TFIP11: variants seen among roughly 807,000 people sequenced by gnomAD.
TFIP11 encodes the protein tuftelin-interacting protein 11.
A neutral mutation model predicts 96.8 loss-of-function variants in TFIP11; 86 were observed. The ratio of observed to expected loss-of-function variants is 0.89; its 90% CI spans 0.75 to 1.06. TFIP11 has a LOEUF of 1.06. Ranked by LOEUF, TFIP11 falls within the 50% of genes least tolerant of loss-of-function variation. TFIP11 has a pLI of 0.00. For missense variants in TFIP11, 881 were observed against 1,076.7 expected (o/e 0.82, Z 2.54); for synonymous variants, 405 against 395.2 (o/e 1.02, Z -0.29).
rs746097613 is a variant in TFIP11 at position 26,499,488 on chromosome 22, G to A, written c.945C>T (p.Phe315=). 4.1e-5 allele frequency: 66 copies of A among 1,614,076 alleles called. No individual in the cohort carries two copies. The South Asian group carries it at 4.6e-4, about 11-fold the overall frequency. Residue 315 remains phenylalanine, a synonymous_variant, in exon 9 of 15, where the codon TTC becomes TTT. Transcript: ENST00000407690. ...QSGKEAKAPG[F]ALPELEHNLQ... is the part of the protein sequence containing the mutation. ...GGTTGTGCTCCAGCTCGGGCAGCGC[G>A]AAGCCGGGGGCCTTGGCCTCTTTGC...
chr22:26,494,967 A>G, intron 12 of TFIP11, 28 bp from the exon 13 acceptor site: 1 of 1,614,014 alleles, frequency 6.2e-7, no homozygotes, highest in Non-Finnish European at 8.5e-7. Context: ...TCTGTAAGGC[A>G]CAGCTTTAGT....
At chr22:26,506,530 C>A in intron 5 of TFIP11, 71 bp from the exon 6 acceptor site, 1 of 1,537,632 alleles carries the variant, frequency 6.5e-7, no homozygotes, top group Non-Finnish European at 8.7e-7. Context: ...AAAGCTTGGC[C>A]AACAGGAAAA....
At chr22:26,492,614 G>A (rs1285667125) in intron 14 of TFIP11, 13 of 497,100 alleles carry the variant, frequency 2.6e-5, no homozygotes, top group Middle Eastern at 5.5e-4. Flanking sequence ...TTAAAATGAA[G>A]TATCTGCAAG....
chr22:26,495,353 C>A (rs867068980), intron 12 of TFIP11, among the ~76,000 whole-genome samples: 2 of 130,316 alleles, frequency 1.5e-5, no homozygotes, highest in African/African-American at 2.8e-5. Context: ...TCTTGGCTCA[C>A]TGCAACCTCT....
At chr22:26,496,918 G>T (rs768064937) in intron 10 of TFIP11, 29 bp from the exon 11 acceptor site, 194 of 1,611,240 alleles carry the variant, frequency 1.2e-4, no homozygotes, top group Non-Finnish European at 1.4e-4. Context: ...GGACAGGCTG[G>T]TTAATTACAC....
intron 8 of TFIP11, among the ~76,000 whole-genome samples, 186 bp downstream of exon 8, chr22:26,501,714 A>G (rs1421152644): frequency 6.9e-6 from 1 of 145,804 alleles, no homozygotes; most frequent in African/African-American, 2.5e-5. Flanking sequence ...GAATAGGAAC[A>G]TGATATTAAT....
chr22:26,496,412 C>T, intron 11 of TFIP11, 96 bp from the exon 12 acceptor site: 2 of 1,476,880 alleles, frequency 1.4e-6, no homozygotes, highest in Non-Finnish European at 1.8e-6. Flanking sequence ...CTGGAGGAGG[C>T]CCTGTGCTCT....
In TFIP11 at chr22:26,499,618, G is replaced by C. The variant is rs763959978; in HGVS notation, c.815C>G (p.Thr272Arg). The C allele has an allele frequency of 1.2e-6, 2 of 1,611,294 alleles. No individual in the cohort carries two copies. Among genetic ancestry groups the C allele is most frequent in the Non-Finnish European group, 1.7e-6 (2 of 1,178,828 alleles). ...ELSQVKVIDMTGREQKVYYSY... is the reference protein window; with the variant it reads ...ELSQVKVIDMRGREQKVYYSY... ...GTAGTAGACCTTCTGCTCCCGGCCT[G>C]TCATGTCTATGACCTTGGAAAACAT... Residue 272 changes from threonine to arginine, a missense_variant, in exon 9 of 15, where the codon ACA (threonine) becomes AGA (arginine). By Grantham distance (71) the Thr-to-Arg change is moderately conservative. Transcript: ENST00000407690.
chr22:26,506,351 G>A lies in TFIP11; in HGVS notation c.472C>T (p.Gln158Ter). 1.2e-6 allele frequency: 2 copies of A among 1,613,746 alleles called. No individual in the cohort carries two copies. Among genetic ancestry groups the A allele is most frequent in the African/African-American group, 1.3e-5 (1 of 75,022 alleles). ...HTKGIGQKLL[Q>*]KMGYVPGRGL... Reference sequence around the variant, plus strand: ...CGTCCAGGGACGTAGCCCATCTTCTGAAGAAGCTTCTGTCCAATTCCTTTT... The same window carrying A: ...CGTCCAGGGACGTAGCCCATCTTCTAAAGAAGCTTCTGTCCAATTCCTTTT... The change falls in exon 6 of 15, where the codon CAG becomes TAG. Residue 158 changes from glutamine (Q) to a stop codon, truncating the protein, a stop_gained. Coordinates refer to ENST00000407690, the MANE Select transcript of TFIP11 (RefSeq NM_012143.4). LOFTEE classifies it high-confidence loss of function.
chr22:26,495,020 GT>G, intron 12 of TFIP11, 81 bp from the exon 13 acceptor site: 1 of 1,575,884 alleles, frequency 6.3e-7, no homozygotes, highest in Non-Finnish European at 8.6e-7. Flanking sequence ...GACAATGTCC[GT>G]TTTCATCTCA....
At chr22:26,500,661 GA>G (rs112618998) in intron 8 of TFIP11, among the ~76,000 whole-genome samples, 18,992 of 142,302 alleles carry the variant, frequency 0.13, 1,295 homozygotes, top group Non-Finnish European at 0.17. Flanking sequence ...CTCACTGGAG[GA>G]AAAAAAAAAA....
rs1296712137 is a variant in TFIP11, at chr22:26,496,089, G to T, written c.1833C>A (p.Asn611Lys). 2 of 1,613,822 alleles carry T rather than the reference G, an allele frequency of 1.2e-6. No homozygotes were observed. Among genetic ancestry groups the T allele is most frequent in the East Asian group, 2.2e-5 (1 of 44,884 alleles). Residue 611 changes from asparagine to lysine, a missense_variant, in exon 12 of 15, where the codon AAC becomes AAA. By Grantham distance (94) the Asn-to-Lys change is moderately conservative. Transcript: ENST00000407690. ...TATCCTTACCCAGCTTGGGCACTAT[G>T]TTTTTGACCATGAATGCTTCCCAGG... The part of the protein sequence containing the change: ...PGSWEAFMVK[N>K]IVPKLGMCLG...
At chr22:26,507,048 T>A (rs962076105) in intron 4 of TFIP11, 120 bp from the exon 5 acceptor site, 5 of 1,213,822 alleles carry the variant, frequency 4.1e-6, no homozygotes, top group African/African-American at 3.1e-5. Context: ...GGAGGTTTTT[T>A]AAAAAAGTAA....
chr22:26,496,019 GA>G, intron 12 of TFIP11, 53 bp downstream of exon 12: 5 of 1,589,558 alleles, frequency 3.1e-6, no homozygotes, highest in African/African-American at 2.7e-5. Context: ...GCTAACCACA[GA>G]AACCAGGGCA....
intron 10 of TFIP11, among the ~76,000 whole-genome samples, chr22:26,497,223 T>C (rs1261257821): frequency 2.6e-5 from 4 of 152,198 alleles, no homozygotes; most frequent in African/African-American, 9.7e-5. Context: ...CACCCTCTTA[T>C]CACAATTTCA....
intron 14 of TFIP11, chr22:26,493,727 AAAT>A (rs77461683): frequency 0.15 from 28,193 of 189,534 alleles, 2,994 homozygotes; most frequent in South Asian, 0.36. Context: ...TTAACAGGTA[AAAT>A]GGGGCTGATT....
chr22:26,501,918 C>T lies in TFIP11; in HGVS notation c.783G>A (p.Lys261=), dbSNP rs979357182. ...RISKKLTAPQ[K]ELSQVKVIDM... The stretch of plus-strand genomic sequence containing the variant: ...CCTGTACCTTGACTTGAGAAAGTTC[C>T]TTCTGGGGAGCAGTGAGCTTCTTGC... The change falls in exon 8 of 15, where the codon AAG becomes AAA. Residue 261 remains lysine (K), a synonymous_variant. Coordinates refer to ENST00000407690, the MANE Select transcript of TFIP11 (RefSeq NM_012143.4). 1 of 1,612,992 alleles carries T rather than the reference C, an allele frequency of 6.2e-7. No homozygotes were observed. Among genetic ancestry groups the T allele is most frequent in the East Asian group, 2.2e-5 (1 of 44,772 alleles).
chr22:26,495,304 A>G (rs867997709), intron 12 of TFIP11, among the ~76,000 whole-genome samples: 3 of 100,962 alleles, frequency 3.0e-5, no homozygotes, highest in Admixed American at 1.6e-4. Context: ...TTGTTGAGAC[A>G]GGGTCTCACT....
At chr22:26,504,155 T>C (rs935522501) in intron 6 of TFIP11, among the ~76,000 whole-genome samples, 15 of 152,196 alleles carry the variant, frequency 9.9e-5, no homozygotes, top group African/African-American at 3.6e-4. Flanking sequence ...TTAGGGAAAA[T>C]GCAATAATTC....
Sources: allele counts gnomAD v4.1 joint callset (sites outside exome capture counted in the v4.1 genomes callset), GRCh38; gene constraint gnomAD v4.1.1; transcripts MANE v1.5; gene names NCBI Gene and HGNC (gene_info 2026-07-23, HGNC 2026-07-21).